The following SHOC2 variants were observed in gnomAD, a reference collection of about 807,000 sequenced individuals.
SHOC2 encodes the protein SHOC2 leucine rich repeat scaffold protein, also known as leucine-rich repeat protein SHOC-2.
In SHOC2, 4 loss-of-function variants were observed where a neutral mutation model predicts 50.2. The observed-to-expected ratio is 0.08, with a 90% CI of 0.04 to 0.18. SHOC2 has a LOEUF of 0.18. SHOC2 is among the 10% of genes least tolerant of loss of function. The pLI is 1.00. For synonymous variants in SHOC2, 218 were observed against 244.5 expected, an observed-to-expected ratio of 0.89 and a Z score of 1.01; for missense variants, 388 against 669.6, an observed-to-expected ratio of 0.58 and a Z score of 4.64.
intron 2 of SHOC2, among the ~76,000 whole-genome samples, chr10:110,970,624 T>C (rs1412363881): frequency 6.6e-6 from 1 of 152,144 alleles, no homozygotes; most frequent in Non-Finnish European, 1.5e-5. Flanking sequence ...TTTTCCATAG[T>C]GGCTGTACCA....
At chr10:110,998,574 A>G (rs1042455373) in intron 3 of SHOC2, among the ~76,000 whole-genome samples, 1 of 152,176 alleles carries the variant, frequency 6.6e-6, no homozygotes, top group African/African-American at 2.4e-5. Flanking sequence ...ATCTCACTTA[A>G]TTAGACCCAG....
intron 1 of SHOC2, chr10:110,936,589 CTT>C (rs376101415): frequency 0.018 from 7,529 of 419,234 alleles, 1 homozygote; most frequent in East Asian, 0.019. Flanking sequence ...TTTTCTTTTC[CTT>C]TTTTTTTTTT....
chr10:110,934,336 A>G (rs544220628), intron 1 of SHOC2, among the ~76,000 whole-genome samples: 1 of 152,330 alleles, frequency 6.6e-6, no homozygotes, highest in East Asian at 1.9e-4. Context: ...ATATCAGTTG[A>G]TAATAGGAAT....
chr10:111,001,268 C>T (rs1169471665), intron 4 of SHOC2, among the ~76,000 whole-genome samples: 2 of 151,014 alleles, frequency 1.3e-5, no homozygotes, highest in East Asian at 3.9e-4. Flanking sequence ...AAGCGATTCT[C>T]CTGCCTCACC....
intron 2 of SHOC2, among the ~76,000 whole-genome samples, chr10:110,974,473 G>T (rs553193526): frequency 2.6e-5 from 4 of 152,188 alleles, no homozygotes; most frequent in East Asian, 1.9e-4. Flanking sequence ...TACAGTGCTT[G>T]CATTGTATAC....
intron 1 of SHOC2, among the ~76,000 whole-genome samples, chr10:110,938,301 GTGAC>G (rs374345663): frequency 2.8e-4 from 42 of 152,232 alleles, no homozygotes; most frequent in African/African-American, 9.4e-4. Flanking sequence ...TTTCTTTTAT[GTGAC>G]TGACTGTATA....
At chr10:111,005,679 T>C (rs940360601) in intron 5 of SHOC2, among the ~76,000 whole-genome samples, 1 of 152,206 alleles carries the variant, frequency 6.6e-6, no homozygotes, top group Non-Finnish European at 1.5e-5. Flanking sequence ...TCTACAGTGA[T>C]CGAGTTTCAC....
chr10:110,965,199 T>C (rs1847649912), intron 2 of SHOC2, 138 bp downstream of exon 2: 2 of 751,494 alleles, frequency 2.7e-6, no homozygotes, highest in South Asian at 1.6e-5. Flanking sequence ...TGGTTTACTT[T>C]ATTCCATTTT....
intron 4 of SHOC2, among the ~76,000 whole-genome samples, chr10:111,001,152 T>C (rs914265508): frequency 7.2e-6 from 1 of 139,816 alleles, no homozygotes; most frequent in Non-Finnish European, 1.5e-5. Flanking sequence ...GGGTAAGATA[T>C]AATACTTTTT....
intron 1 of SHOC2, among the ~76,000 whole-genome samples, chr10:110,945,074 A>G (rs1246828203): frequency 6.6e-6 from 1 of 152,168 alleles, no homozygotes; most frequent in Non-Finnish European, 1.5e-5. Flanking sequence ...TGTTACGGGT[A>G]TTTCATTCTC....
At chr10:110,944,737 CT>C (rs1847215770) in intron 1 of SHOC2, among the ~76,000 whole-genome samples, 1 of 152,208 alleles carries the variant, frequency 6.6e-6, no homozygotes, top group Non-Finnish European at 1.5e-5. Flanking sequence ...TCTGCAAACT[CT>C]ATTTGATGTG....
chr10:110,996,529 TAAA>T (rs571137418), intron 3 of SHOC2, among the ~76,000 whole-genome samples: 2 of 143,270 alleles, frequency 1.4e-5, no homozygotes, highest in African/African-American at 5.1e-5. Context: ...CTCTGTCTCT[TAAA>T]AAAAAAAAGA....
intron 1 of SHOC2, among the ~76,000 whole-genome samples, chr10:110,928,233 C>T (rs1235985522): frequency 2.0e-5 from 3 of 152,050 alleles, no homozygotes; most frequent in African/African-American, 7.3e-5. Context: ...AGGAGAATCG[C>T]TTGAACCTGA....
intron 1 of SHOC2, among the ~76,000 whole-genome samples, chr10:110,927,173 G>GT (rs1846794269): frequency 6.6e-6 from 1 of 152,168 alleles, no homozygotes; most frequent in Non-Finnish European, 1.5e-5. Flanking sequence ...GAAAGTCATA[G>GT]TTCTTTGCTA....
chr10:110,947,021 A>G (rs1337870104), intron 1 of SHOC2, among the ~76,000 whole-genome samples: 1 of 152,192 alleles, frequency 6.6e-6, no homozygotes, highest in Non-Finnish European at 1.5e-5. Flanking sequence ...AGATTGTAGC[A>G]CCCGGGTGTA....
intron 1 of SHOC2, among the ~76,000 whole-genome samples, chr10:110,960,725 G>A (rs2134116301): frequency 6.6e-6 from 1 of 152,320 alleles, no homozygotes; most frequent in East Asian, 1.9e-4. Flanking sequence ...GCCCAGGCTA[G>A]AGTGCAGTGG....
At chr10:110,961,296 A>G (rs549564637) in intron 1 of SHOC2, among the ~76,000 whole-genome samples, 132 of 152,310 alleles carry the variant, frequency 8.7e-4, no homozygotes, top group African/African-American at 3.1e-3. Flanking sequence ...TTAAAAAACA[A>G]CTATTAAATA....
At chr10:110,968,161 T>A (rs1157569957) in intron 2 of SHOC2, among the ~76,000 whole-genome samples, 2 of 152,214 alleles carry the variant, frequency 1.3e-5, no homozygotes, top group Non-Finnish European at 1.5e-5. Flanking sequence ...ATAACCATTC[T>A]ATCGTGTGAA....
chr10:110,957,943 T>C (rs1847497935), intron 1 of SHOC2, among the ~76,000 whole-genome samples: 1 of 152,234 alleles, frequency 6.6e-6, no homozygotes, highest in Non-Finnish European at 1.5e-5. Flanking sequence ...ATTCTGTATG[T>C]AACTGGAGAT....
Sources: allele counts gnomAD v4.1 joint callset (sites outside exome capture counted in the v4.1 genomes callset), GRCh38; gene constraint gnomAD v4.1.1; transcripts MANE v1.5; gene names NCBI Gene and HGNC (gene_info 2026-07-23, HGNC 2026-07-21).